Variants in RARB observed in about 807,000 individuals in gnomAD.
RARB encodes the protein retinoic acid receptor beta.
A neutral mutation model predicts 51.9 loss-of-function variants in RARB; 17 were observed. The observed-to-expected ratio is 0.33, with a 90% confidence interval of 0.22 to 0.49. The LOEUF is 0.49. RARB is among the 20% of genes least tolerant of loss of function. RARB has a pLI of 0.99. For synonymous variants in RARB, 215 were observed against 195.4 expected, an observed-to-expected ratio of 1.10 and a Z score of -0.84; for missense variants, 369 against 550.8, an observed-to-expected ratio of 0.67 and a Z score of 3.30.
At chr3:25,308,167 A>C (rs146144483) in intron 5 of RARB, among the ~76,000 whole-genome samples, 25 of 152,250 alleles carry the variant, frequency 1.6e-4, no homozygotes, top group East Asian at 9.6e-4. Context: ...TTAGAAATCA[A>C]CTCATCTTAA....
intron 5 of RARB, among the ~76,000 whole-genome samples, chr3:25,322,234 C>T (rs546465652): frequency 6.6e-6 from 1 of 152,166 alleles, no homozygotes; most frequent in African/African-American, 2.4e-5. Flanking sequence ...GGGAAGCAAG[C>T]TTCCTACCTC....
At chr3:25,370,576 C>T (rs929123131) in intron 5 of RARB, among the ~76,000 whole-genome samples, 6 of 152,138 alleles carry the variant, frequency 3.9e-5, no homozygotes, top group African/African-American at 1.2e-4. Flanking sequence ...TAACTAGTCC[C>T]TTCTGACTCC....
intron 1 of RARB, among the ~76,000 whole-genome samples, chr3:25,431,174 T>C (rs1019033187): frequency 6.6e-6 from 1 of 152,202 alleles, no homozygotes; most frequent in South Asian, 2.1e-4. Context: ...GAAGCAGATC[T>C]GTTTTTGCTT....
At chr3:25,576,548 G>T (rs1422365683) in intron 4 of RARB, among the ~76,000 whole-genome samples, 1 of 152,182 alleles carries the variant, frequency 6.6e-6, no homozygotes, top group Non-Finnish European at 1.5e-5. Context: ...CCTTTCCAAG[G>T]TCATGTCCCA....
intron 3 of RARB, among the ~76,000 whole-genome samples, chr3:25,074,856 T>C (rs1304033450): frequency 6.6e-6 from 1 of 152,170 alleles, no homozygotes; most frequent in African/African-American, 2.4e-5. Context: ...CCAGGACTCT[T>C]TTCCTACATA....
chr3:25,176,684 G>A (rs754933746), intron 5 of RARB, among the ~76,000 whole-genome samples: 26 of 151,988 alleles, frequency 1.7e-4, no homozygotes, highest in South Asian at 8.3e-4. Flanking sequence ...GTGAGCCACC[G>A]TGCCCGGTCT....
At chr3:25,007,380 C>G (rs999703300) in intron 2 of RARB, among the ~76,000 whole-genome samples, 2 of 151,914 alleles carry the variant, frequency 1.3e-5, no homozygotes, top group African/African-American at 4.8e-5. Flanking sequence ...AATCCCAGCA[C>G]TTTAGGAGGC....
intron 2 of RARB, among the ~76,000 whole-genome samples, chr3:24,982,681 TTTTG>T (rs1696703692): frequency 6.6e-6 from 1 of 152,192 alleles, no homozygotes; most frequent in African/African-American, 2.4e-5. Context: ...CCCTGACTGT[TTTTG>T]TTTAACTCTC....
intron 2 of RARB, among the ~76,000 whole-genome samples, chr3:24,987,436 C>A (rs1477603113): frequency 6.6e-6 from 1 of 152,116 alleles, no homozygotes; most frequent in East Asian, 1.9e-4. Flanking sequence ...AATGATGACC[C>A]CAGAGGGGTT....
chr3:25,578,219 A>G (rs1041669636), intron 4 of RARB, among the ~76,000 whole-genome samples: 2 of 152,224 alleles, frequency 1.3e-5, no homozygotes, highest in African/African-American at 4.8e-5. Flanking sequence ...AAGATAATAT[A>G]TAAGCCATTT....
chr3:25,531,671 T>G (rs1698926362), intron 3 of RARB, among the ~76,000 whole-genome samples: 1 of 151,852 alleles, frequency 6.6e-6, no homozygotes, highest in Admixed American at 6.6e-5. Context: ...GTTTTCTGTA[T>G]TTTTTATTTT....
chr3:25,353,823 A>G (rs1257058310), intron 5 of RARB, among the ~76,000 whole-genome samples: 1 of 152,122 alleles, frequency 6.6e-6, no homozygotes, highest in South Asian at 2.1e-4. Context: ...CCAGACTTCA[A>G]GTGGTTCTAT....
chr3:25,005,689 G>A (rs1181402150), intron 2 of RARB, among the ~76,000 whole-genome samples: 3 of 152,080 alleles, frequency 2.0e-5, no homozygotes, highest in Non-Finnish European at 4.4e-5. Context: ...TGTGGGAGGG[G>A]ACTACACAAG....
intron 2 of RARB, among the ~76,000 whole-genome samples, chr3:24,966,574 C>G (rs539591770): frequency 5.3e-5 from 8 of 150,666 alleles, no homozygotes; most frequent in African/African-American, 2.0e-4. Context: ...GTCATTTCTA[C>G]CATCATCTGT....
At chr3:25,099,954 C>T (rs1458905348) in intron 3 of RARB, among the ~76,000 whole-genome samples, 7 of 152,190 alleles carry the variant, frequency 4.6e-5, no homozygotes, top group Non-Finnish European at 1.0e-4. Flanking sequence ...GGCCTACGAT[C>T]TTAATTTACT....
chr3:25,442,041 C>G (rs761182788), intron 1 of RARB, among the ~76,000 whole-genome samples: 4 of 152,206 alleles, frequency 2.6e-5, no homozygotes, highest in African/African-American at 9.6e-5. Context: ...ATCATAGTCG[C>G]TAGCCATTTA....
chr3:25,460,283 C>T (rs1374965477), intron 1 of RARB, among the ~76,000 whole-genome samples: 2 of 151,918 alleles, frequency 1.3e-5, no homozygotes, highest in Non-Finnish European at 2.9e-5. Context: ...GCCCAAGGAG[C>T]CTTCTTTGAG....
At chr3:24,861,545 GATTT>G (rs1481964946) in intron 2 of RARB, among the ~76,000 whole-genome samples, 2 of 147,378 alleles carry the variant, frequency 1.4e-5, no homozygotes, top group Admixed American at 1.4e-4. Context: ...ATGATTTACT[GATTT>G]ATTAAAATAA....
At chr3:24,983,813 A>AG (rs1182147082) in intron 2 of RARB, among the ~76,000 whole-genome samples, 2 of 152,196 alleles carry the variant, frequency 1.3e-5, no homozygotes, top group African/African-American at 4.8e-5. Flanking sequence ...TATTAAATGC[A>AG]GGGGGGAGAG....
Sources: gnomAD v4.1 joint callset for allele counts (sites outside exome capture counted in the v4.1 genomes callset) on GRCh38, gnomAD v4.1.1 for gene constraint, MANE v1.5 for transcripts, NCBI Gene and HGNC (gene_info 2026-07-23, HGNC 2026-07-21) for gene names.